The following CCDC3 variants were observed in gnomAD, a reference collection of about 807,000 sequenced individuals.
The protein encoded by CCDC3 is coiled-coil domain containing 3.
Under a neutral mutation model 21.4 loss-of-function variants are expected in CCDC3, and 24 were observed. The ratio of observed to expected loss-of-function variants is 1.12; its 90% CI spans 0.81 to 1.58. CCDC3 has a LOEUF of 1.58. CCDC3 is among the 40% of genes most tolerant of loss of function. CCDC3 has a pLI of 0.00. For synonymous variants in CCDC3, 186 were observed against 166.0 expected, an observed-to-expected ratio of 1.12 and a Z score of -0.93; for missense variants, 425 against 360.9, an observed-to-expected ratio of 1.18 and a Z score of -1.44.
intron 2 of CCDC3, among the ~76,000 whole-genome samples, chr10:12,994,526 T>C (rs1321905493): frequency 2.0e-5 from 3 of 152,094 alleles, no homozygotes; most frequent in Non-Finnish European, 2.9e-5. Context: ...GAAAGTATCC[T>C]AAGCAAAGTC....
chr10:13,007,885 G>A (rs7921121), intron 5 of CCDC3, among the ~76,000 whole-genome samples: 8,765 of 152,194 alleles, frequency 0.058, 324 homozygotes, highest in South Asian at 0.1. Context: ...GGCCAAACAA[G>A]TTAGGTCTCC....
intron 4 of CCDC3, among the ~76,000 whole-genome samples, chr10:13,070,768 A>G (rs1404826998): frequency 6.6e-6 from 1 of 152,244 alleles, no homozygotes; most frequent in Non-Finnish European, 1.5e-5. Flanking sequence ...CTTTATGCAA[A>G]TAATCGGGCC....
intron 2 of CCDC3, among the ~76,000 whole-genome samples, chr10:12,958,905 G>A (rs1261006183): frequency 6.6e-6 from 1 of 152,182 alleles, no homozygotes; most frequent in Non-Finnish European, 1.5e-5. Context: ...ACTCACCATG[G>A]CCAGGGGAGA....
intron 4 of CCDC3, among the ~76,000 whole-genome samples, chr10:13,063,725 G>T (rs1196579930): frequency 6.6e-6 from 1 of 152,124 alleles, no homozygotes; most frequent in Non-Finnish European, 1.5e-5. Context: ...CAGTATTTTG[G>T]CTTGCATGCT....
intron 5 of CCDC3, among the ~76,000 whole-genome samples, chr10:13,008,041 G>A (rs1017335778): frequency 2.0e-5 from 3 of 152,140 alleles, no homozygotes; most frequent in African/African-American, 7.2e-5. Context: ...GCCCAAGAAG[G>A]GTTAAGGAGA....
intron 2 of CCDC3, among the ~76,000 whole-genome samples, chr10:12,992,540 G>T (rs1386802012): frequency 2.0e-5 from 3 of 152,086 alleles, no homozygotes; most frequent in African/African-American, 7.3e-5. Flanking sequence ...TATTCTAAAT[G>T]AAGTAACTCA....
At chr10:12,947,780 G>T (rs956751575) in intron 2 of CCDC3, among the ~76,000 whole-genome samples, 9 of 152,302 alleles carry the variant, frequency 5.9e-5, no homozygotes, top group Middle Eastern at 3.4e-3. Flanking sequence ...ATGAGTTAGA[G>T]GAGAGCAGTG....
chr10:12,942,068 C>T (rs778875979), intron 2 of CCDC3, among the ~76,000 whole-genome samples: 1 of 152,118 alleles, frequency 6.6e-6, no homozygotes, highest in African/African-American at 2.4e-5. Flanking sequence ...TGCTCTATGC[C>T]TTTGAGATGT....
chr10:13,002,864 C>T (rs538519260), upstream of CCDC3, among the ~76,000 whole-genome samples: 29 of 152,164 alleles, frequency 1.9e-4, no homozygotes, highest in Non-Finnish European at 3.5e-4. Context: ...TACAGACGGC[C>T]ACCTTCTCAC....
At chr10:13,043,322 T>G (rs781603455) in intron 5 of CCDC3, among the ~76,000 whole-genome samples, 2 of 152,166 alleles carry the variant, frequency 1.3e-5, no homozygotes, top group Non-Finnish European at 2.9e-5. Context: ...CTGGGCATGG[T>G]GGCTCACGCC....
intron 3 of CCDC3, among the ~76,000 whole-genome samples, chr10:13,087,745 G>A (rs769815650): frequency 9.2e-5 from 14 of 152,074 alleles, no homozygotes; most frequent in Admixed American, 6.6e-4. Flanking sequence ...AGAAACTGGC[G>A]CAGAGAGCTA....
intron 2 of CCDC3, among the ~76,000 whole-genome samples, chr10:12,962,684 C>A (rs1326335739): frequency 6.6e-6 from 1 of 152,202 alleles, no homozygotes; most frequent in East Asian, 1.9e-4. Context: ...TAAAATGACA[C>A]ATCAAGGGGT....
intron 4 of CCDC3, among the ~76,000 whole-genome samples, chr10:13,068,658 T>C (rs1242220563): frequency 1.3e-5 from 2 of 152,214 alleles, no homozygotes; most frequent in African/African-American, 4.8e-5. Context: ...TACAGACATA[T>C]GGAATAAACC....
chr10:12,963,955 C>T (rs886291212), intron 2 of CCDC3, among the ~76,000 whole-genome samples: 2 of 152,128 alleles, frequency 1.3e-5, no homozygotes, highest in African/African-American at 4.8e-5. Flanking sequence ...TCCCAGGAGG[C>T]GAGTCGTTAT....
chr10:12,978,550 CAG>C (rs10578839), intron 2 of CCDC3, among the ~76,000 whole-genome samples: 87,659 of 148,958 alleles, frequency 0.59, 26,171 homozygotes, highest in African/African-American at 0.76. Flanking sequence ...AGAATGGAAC[CAG>C]AGAGAGAGAG....
At chr10:12,928,114 G>A (rs2043944155) in intron 2 of CCDC3, among the ~76,000 whole-genome samples, 1 of 152,202 alleles carries the variant, frequency 6.6e-6, no homozygotes, top group Admixed American at 6.5e-5. Context: ...AAGCAATGCT[G>A]TTCAAATAAA....
At chr10:13,022,887 G>A (rs895005025) in intron 5 of CCDC3, among the ~76,000 whole-genome samples, 3 of 152,134 alleles carry the variant, frequency 2.0e-5, no homozygotes, top group African/African-American at 7.2e-5. Context: ...AAGTGATATT[G>A]CAGAACTGCT....
At chr10:13,077,268 A>G (rs1836976559) in intron 3 of CCDC3, among the ~76,000 whole-genome samples, 1 of 152,164 alleles carries the variant, frequency 6.6e-6, no homozygotes, top group Non-Finnish European at 1.5e-5. Flanking sequence ...AATTGCTTCA[A>G]ATAGAATAAA....
chr10:12,948,824 C>T (rs955048096), intron 2 of CCDC3, among the ~76,000 whole-genome samples: 1 of 147,158 alleles, frequency 6.8e-6, no homozygotes, highest in East Asian at 2.1e-4. Context: ...CTCCACCTCC[C>T]GGGTTCACGC....
Sources: gnomAD v4.1 joint callset for allele counts (sites outside exome capture counted in the v4.1 genomes callset) on GRCh38, gnomAD v4.1.1 for gene constraint, MANE v1.5 for transcripts, NCBI Gene and HGNC (gene_info 2026-07-23, HGNC 2026-07-21) for gene names.